Variants in LRP1B observed in about 807,000 individuals in gnomAD.
LRP1B encodes the protein LDL receptor related protein 1B, also known as low-density lipoprotein receptor-related protein 1B.
Under a neutral mutation model 556.6 loss-of-function variants are expected in LRP1B, and 217 were observed. The ratio of observed to expected loss-of-function variants is 0.39; its 90% CI spans 0.35 to 0.44. LRP1B has a LOEUF of 0.44. LRP1B is among the 20% of genes least tolerant of loss of function. The pLI is 1.00. For synonymous variants in LRP1B, 2,047 were observed against 1,865.8 expected (o/e 1.10, Z -2.50); for missense variants, 5,053 against 5,620.8 (o/e 0.90, Z 3.23).
chr2:140,975,475 G>A (rs73964764), intron 18 of LRP1B, among the ~76,000 whole-genome samples: 4,546 of 43,662 alleles, frequency 0.1, 171 homozygotes, highest in African/African-American at 0.19. Context: ...TCTGCCTGAA[G>A]AGCTAAAGTT....
chr2:141,906,255 A>G (rs1699757411), intron 1 of LRP1B, among the ~76,000 whole-genome samples: 2 of 151,820 alleles, frequency 1.3e-5, no homozygotes, highest in South Asian at 4.1e-4. Flanking sequence ...TTGAAAAACA[A>G]AACAGAACAA....
chr2:140,733,882 A>C (rs2105505605), intron 35 of LRP1B, among the ~76,000 whole-genome samples: 1 of 152,334 alleles, frequency 6.6e-6, no homozygotes, highest in Non-Finnish European at 1.5e-5. Flanking sequence ...CTGTAAGCAA[A>C]ATTTAATTAT....
At chr2:140,760,738 T>C (rs765043565) in intron 35 of LRP1B, among the ~76,000 whole-genome samples, 8 of 151,810 alleles carry the variant, frequency 5.3e-5, no homozygotes, top group Non-Finnish European at 8.8e-5. Context: ...ATACAAAAAA[T>C]TAACTGGCGT....
At chr2:141,480,915 G>C (rs1439050866) in intron 2 of LRP1B, among the ~76,000 whole-genome samples, 2 of 152,106 alleles carry the variant, frequency 1.3e-5, no homozygotes, top group African/African-American at 4.8e-5. Flanking sequence ...ATGGATAATG[G>C]TTCTCCGCAG....
intron 41 of LRP1B, among the ~76,000 whole-genome samples, chr2:140,662,755 T>C (rs1201634678): frequency 6.6e-6 from 1 of 152,150 alleles, no homozygotes; most frequent in East Asian, 1.9e-4. Context: ...GTAAAATTCA[T>C]GAAACATTGC....
chr2:140,695,417 C>T (rs1203735119), intron 41 of LRP1B, among the ~76,000 whole-genome samples: 1 of 152,072 alleles, frequency 6.6e-6, no homozygotes, highest in Non-Finnish European at 1.5e-5. Flanking sequence ...GATGGCACAG[C>T]TTTATTTCAG....
At chr2:141,098,975 T>G (rs1379654079) in intron 7 of LRP1B, among the ~76,000 whole-genome samples, 1 of 152,218 alleles carries the variant, frequency 6.6e-6, no homozygotes, top group Non-Finnish European at 1.5e-5. Flanking sequence ...CATTAAGGCT[T>G]TTTAGCTTCC....
intron 20 of LRP1B, among the ~76,000 whole-genome samples, chr2:140,927,932 G>A (rs1288418711): frequency 1.3e-5 from 2 of 151,260 alleles, no homozygotes; most frequent in African/African-American, 4.9e-5. Flanking sequence ...TTTTTGTAGA[G>A]GCGAGGTTTC....
intron 1 of LRP1B, among the ~76,000 whole-genome samples, chr2:142,040,624 G>GTTTT (rs397770023): frequency 4.2e-5 from 6 of 143,810 alleles, no homozygotes; most frequent in African/African-American, 1.0e-4. Context: ...CAGTACTGAG[G>GTTTT]TTTTTTTTTT....
chr2:140,541,185 C>T (rs954259063), intron 44 of LRP1B, 87 bp from the exon 45 acceptor site: 1 of 1,065,326 alleles, frequency 9.4e-7, no homozygotes, highest in South Asian at 1.6e-5. Flanking sequence ...TATTAGACTG[C>T]CTCAATCTCT....
At chr2:141,960,312 G>A (rs1266236088) in intron 1 of LRP1B, among the ~76,000 whole-genome samples, 1 of 151,732 alleles carries the variant, frequency 6.6e-6, no homozygotes, top group Non-Finnish European at 1.5e-5. Context: ...GATGCCCCCA[G>A]CCACCACACC....
intron 4 of LRP1B, among the ~76,000 whole-genome samples, chr2:141,252,076 TTGTCTC>T (rs1684282067): frequency 6.6e-6 from 1 of 152,038 alleles, no homozygotes; most frequent in Non-Finnish European, 1.5e-5. Flanking sequence ...CTGAGTTCCC[TTGTCTC>T]TCATGCTAGA....
chr2:142,054,794 T>C (rs1302188539), intron 1 of LRP1B, among the ~76,000 whole-genome samples: 1 of 152,178 alleles, frequency 6.6e-6, no homozygotes, highest in South Asian at 2.1e-4. Flanking sequence ...CCCCTCACTC[T>C]AATTCAAATT....
At chr2:141,533,501 C>T (rs1351472342) in intron 2 of LRP1B, among the ~76,000 whole-genome samples, 1 of 152,114 alleles carries the variant, frequency 6.6e-6, no homozygotes, top group Non-Finnish European at 1.5e-5. Context: ...ACTTGGTAAG[C>T]CAATTACGGA....
At chr2:140,435,238 A>G (rs902091086) in intron 66 of LRP1B, among the ~76,000 whole-genome samples, 1 of 150,086 alleles carries the variant, frequency 6.7e-6, no homozygotes, top group Admixed American at 6.6e-5. Flanking sequence ...TATTTCTTAC[A>G]TATTTTGTTT....
At chr2:141,918,093 A>G (rs1420191183) in intron 1 of LRP1B, among the ~76,000 whole-genome samples, 1 of 152,080 alleles carries the variant, frequency 6.6e-6, no homozygotes, top group African/African-American at 2.4e-5. Flanking sequence ...TTCCATTTTT[A>G]TTTTCTTTAA....
chr2:141,087,431 T>C (rs1001033683), intron 7 of LRP1B, among the ~76,000 whole-genome samples: 3 of 152,158 alleles, frequency 2.0e-5, no homozygotes, highest in Admixed American at 2.0e-4. Context: ...ACTTTCAATA[T>C]CTTAGTGCAA....
intron 66 of LRP1B, among the ~76,000 whole-genome samples, chr2:140,393,481 C>A (rs1411198582): frequency 1.3e-5 from 2 of 151,206 alleles, no homozygotes; most frequent in African/African-American, 2.4e-5. Context: ...TGCATAAAAC[C>A]ATTTTAGAGT....
At chr2:140,664,222 G>T (rs558010851) in intron 41 of LRP1B, among the ~76,000 whole-genome samples, 1 of 152,100 alleles carries the variant, frequency 6.6e-6, no homozygotes, top group Non-Finnish European at 1.5e-5. Context: ...TGTAACAAAG[G>T]TACATAAAGT....
Sources: allele counts gnomAD v4.1 joint callset (sites outside exome capture counted in the v4.1 genomes callset), GRCh38; gene constraint gnomAD v4.1.1; transcripts MANE v1.5; gene names NCBI Gene and HGNC (gene_info 2026-07-23, HGNC 2026-07-21).